GPC6: variants seen among roughly 807,000 people sequenced by gnomAD.
GPC6 encodes the protein glypican-6.
GPC6 carries 14 observed loss-of-function variants against 55.2 expected under a neutral mutation model. The ratio of observed to expected loss-of-function variants is 0.25; its 90% CI spans 0.17 to 0.40. The LOEUF (loss-of-function observed/expected upper bound fraction) is 0.40, where lower values mean the gene tolerates loss of function less well. Ranked by LOEUF, GPC6 falls within the 10% of genes least tolerant of loss-of-function variation. GPC6 has a pLI of 1.00. For synonymous variants in GPC6, 278 were observed against 259.6 expected (o/e 1.07, Z -0.68); for missense variants, 641 against 708.5 (o/e 0.90, Z 1.08).
chr13:93,950,242 G>A (rs1879194139), intron 3 of GPC6, among the ~76,000 whole-genome samples: 1 of 152,100 alleles, frequency 6.6e-6, no homozygotes, highest in Admixed American at 6.5e-5. Context: ...ACTAAAAATT[G>A]AAGAACAACA....
chr13:93,271,217 G>A (rs1448501513), intron 1 of GPC6, among the ~76,000 whole-genome samples: 1 of 152,116 alleles, frequency 6.6e-6, no homozygotes, highest in African/African-American at 2.4e-5. Flanking sequence ...GGGAAAGAAA[G>A]TTCTACTCCA....
At chr13:93,929,873 GAA>G (rs1878066628) in intron 3 of GPC6, among the ~76,000 whole-genome samples, 1 of 151,648 alleles carries the variant, frequency 6.6e-6, no homozygotes, top group East Asian at 1.9e-4. Flanking sequence ...GAAAAGAAGA[GAA>G]GAGAAAAGAA....
chr13:93,395,499 T>A (rs1402196490), intron 1 of GPC6: 1 of 180,712 alleles, frequency 5.5e-6, no homozygotes, highest in African/African-American at 2.4e-5. Flanking sequence ...TCAAAATCAT[T>A]TCTTAGGTGG....
At chr13:93,787,426 G>A (rs915402623) in intron 2 of GPC6, among the ~76,000 whole-genome samples, 5 of 152,260 alleles carry the variant, frequency 3.3e-5, no homozygotes, top group Admixed American at 1.3e-4. Flanking sequence ...TTATAAAAAC[G>A]GGCAATGGGC....
chr13:93,711,352 C>G (rs1014721791), intron 2 of GPC6, among the ~76,000 whole-genome samples: 2 of 151,608 alleles, frequency 1.3e-5, no homozygotes, highest in African/African-American at 2.4e-5. Flanking sequence ...CATCAGATCT[C>G]GTGAGACCTA....
chr13:93,666,808 G>T (rs1236258756), intron 2 of GPC6, among the ~76,000 whole-genome samples: 1 of 152,100 alleles, frequency 6.6e-6, no homozygotes, highest in Non-Finnish European at 1.5e-5. Context: ...CATTTTTAAA[G>T]GAGCTGGTCC....
At chr13:93,735,527 A>C (rs905764199) in intron 2 of GPC6, among the ~76,000 whole-genome samples, 2 of 152,008 alleles carry the variant, frequency 1.3e-5, no homozygotes, top group Non-Finnish European at 2.9e-5. Context: ...TCTCAAAAAA[A>C]AAAAAAAGAA....
intron 7 of GPC6, among the ~76,000 whole-genome samples, chr13:94,388,154 G>T (rs1471777492): frequency 6.6e-6 from 1 of 152,132 alleles, no homozygotes; most frequent in East Asian, 1.9e-4. Context: ...CATTTAATTG[G>T]CAACCATGTG....
chr13:93,230,323 C>G (rs1436632034), intron 1 of GPC6, among the ~76,000 whole-genome samples: 1 of 152,070 alleles, frequency 6.6e-6, no homozygotes, highest in Non-Finnish European at 1.5e-5. Flanking sequence ...CTTTTCTATT[C>G]TAGGATAGAA....
intron 4 of GPC6, among the ~76,000 whole-genome samples, chr13:94,263,451 G>A (rs971458868): frequency 6.6e-6 from 1 of 152,208 alleles, no homozygotes; most frequent in Admixed American, 6.5e-5. Flanking sequence ...CAAAAGGGTT[G>A]TGTGAAGATC....
intron 4 of GPC6, among the ~76,000 whole-genome samples, chr13:94,118,063 A>G (rs1466199416): frequency 6.6e-6 from 1 of 152,124 alleles, no homozygotes; most frequent in African/African-American, 2.4e-5. Context: ...TTAGATTATT[A>G]AAATTATTGA....
chr13:94,305,323 A>G (rs76827597), intron 5 of GPC6, among the ~76,000 whole-genome samples: 2,106 of 152,260 alleles, frequency 0.014, 26 homozygotes, highest in South Asian at 0.042. Flanking sequence ...GTGAAAAGAC[A>G]CCTTATTTAA....
intron 2 of GPC6, among the ~76,000 whole-genome samples, chr13:93,600,737 G>T (rs1877974022): frequency 6.6e-6 from 1 of 151,532 alleles, no homozygotes; most frequent in Non-Finnish European, 1.5e-5. Context: ...GGATCACGAG[G>T]TCAGGAGTTC....
chr13:93,235,181 A>G (rs564748551), intron 1 of GPC6, among the ~76,000 whole-genome samples: 2 of 152,232 alleles, frequency 1.3e-5, no homozygotes, highest in South Asian at 4.1e-4. Flanking sequence ...TGAAGCTGAA[A>G]GGAGGAGGCA....
At chr13:93,709,818 G>A (rs1331836550) in intron 2 of GPC6, among the ~76,000 whole-genome samples, 1 of 151,742 alleles carries the variant, frequency 6.6e-6, no homozygotes, top group Non-Finnish European at 1.5e-5. Flanking sequence ...TTAATTGACA[G>A]AGAAAAGATT....
intron 4 of GPC6, among the ~76,000 whole-genome samples, chr13:94,173,642 A>T (rs896026267): frequency 6.6e-6 from 1 of 152,180 alleles, no homozygotes; most frequent in East Asian, 1.9e-4. Context: ...GTGTATGCCC[A>T]AGCTAGCACA....
chr13:93,542,610 T>G lies in GPC6; in HGVS notation c.161-2653T>G, dbSNP rs562873245. Among the ~76,000 whole-genome samples, 1,036 of 152,308 alleles carry G rather than the reference T, an allele frequency of 6.8e-3. 12 individuals carry two copies. Among genetic ancestry groups the G allele is most frequent in the African/African-American group, 0.021 (882 of 41,560 alleles). ...ATGGCATTGAATCTATAAATTATCT[T>G]GGGCAGTATGGCCATTTTCGTGATA... On this transcript the variant is annotated intron_variant, in intron 1 of 8. Transcript: ENST00000377047.
At chr13:93,291,717 T>C (rs956038173) in intron 1 of GPC6, among the ~76,000 whole-genome samples, 2 of 152,122 alleles carry the variant, frequency 1.3e-5, no homozygotes, top group African/African-American at 4.8e-5. Flanking sequence ...AAAAATGAAC[T>C]AATGTTCCAT....
At chr13:93,805,459 T>C (rs75319488) in intron 2 of GPC6, among the ~76,000 whole-genome samples, 1,903 of 152,298 alleles carry the variant, frequency 0.012, 40 homozygotes, top group African/African-American at 0.043. Flanking sequence ...GGGAATCATA[T>C]ACATTTTAAA....
Sources: gnomAD v4.1 joint callset for allele counts (sites outside exome capture counted in the v4.1 genomes callset) on GRCh38, gnomAD v4.1.1 for gene constraint, MANE v1.5 for transcripts, NCBI Gene and HGNC (gene_info 2026-07-23, HGNC 2026-07-21) for gene names.